Variants in KIAA1755 observed in about 807,000 individuals in gnomAD.
KIAA1755 encodes uncharacterized protein KIAA1755.
In KIAA1755, 68 loss-of-function variants were observed where a neutral mutation model predicts 91.7. The observed-to-expected ratio is 0.74, with a 90% CI of 0.61 to 0.91. KIAA1755 has a LOEUF of 0.91. KIAA1755 is among the 40% of genes least tolerant of loss of function. The pLI, the probability that KIAA1755 is intolerant of heterozygous loss-of-function variation, is 0.00. For synonymous variants in KIAA1755, 610 were observed against 604.6 expected, an observed-to-expected ratio of 1.01 and a Z score of -0.13; for missense variants, 1,535 against 1,494.4, an observed-to-expected ratio of 1.03 and a Z score of -0.45.
rs2075447886 is a variant in KIAA1755, at chr20:38,211,237, T to C, written c.*1805A>G. 6.6e-6 allele frequency: 1 copy of C among 152,310 alleles called. No homozygotes were observed. The highest frequency in any genetic ancestry group is 1.5e-5 in the Non-Finnish European group (1 of 68,146). The allele number at this position is 152,310 out of a possible 1,614,324, so 9.4% of individuals were successfully genotyped here. A position where few individuals can be genotyped will look rare whatever the true frequency, so the allele number is the denominator to read the frequency against. ...GTGTGTGACTCTTGGCTGAGACAGC[T>C]CCTGAGAAGCCCTAGTTGTCCTCCT... is the stretch of plus-strand genomic sequence containing the variant. On this transcript the variant is annotated 3_prime_UTR_variant, in exon 14 of 14. Transcript: ENST00000279024.
chr20:38,237,741 G>A (rs1036266599), intron 4 of KIAA1755, among the ~76,000 whole-genome samples: 1 of 151,762 alleles, frequency 6.6e-6, no homozygotes, highest in African/African-American at 2.4e-5. Flanking sequence ...GGGGCAGTGG[G>A]TGACCTGGAA....
At position 38,260,648 on chromosome 20, in the gene KIAA1755, G is replaced by T; in HGVS notation, c.-148C>A. 1 of 957,852 alleles carries T rather than the reference G, an allele frequency of 1.0e-6. No homozygotes were observed. 59.3% of individuals were successfully genotyped at this position (957,852 alleles called of 1,614,324 possible). ...GCAGGCCCGGGGCACCGACCCCGGCGTCATCTCGGAGGAGCGGCCGGGGAG... is the reference window on the plus strand; with the variant it reads ...GCAGGCCCGGGGCACCGACCCCGGCTTCATCTCGGAGGAGCGGCCGGGGAG... On this transcript the variant is annotated 5_prime_UTR_variant, in exon 1 of 14. Transcript: ENST00000279024.
At chr20:38,259,902 C>G (rs890684315) in intron 1 of KIAA1755, among the ~76,000 whole-genome samples, 2 of 151,672 alleles carry the variant, frequency 1.3e-5, no homozygotes, top group African/African-American at 4.9e-5. Flanking sequence ...CTCCAAAAGT[C>G]CCTTCCTCTT....
chr20:38,256,623 G>A (rs1219109160), intron 1 of KIAA1755, among the ~76,000 whole-genome samples: 1 of 152,070 alleles, frequency 6.6e-6, no homozygotes, highest in Non-Finnish European at 1.5e-5. Context: ...AGGCAACAGA[G>A]GGAGGCCCTA....
At position 38,245,976 on chromosome 20, in the gene KIAA1755, G is replaced by A. The variant is rs762461025; in HGVS notation, c.154C>T (p.Leu52=). The A allele has an allele frequency of 6.2e-7, 1 of 1,614,194 alleles. No individual in the cohort carries two copies. Among genetic ancestry groups the A allele is most frequent in the South Asian group, 1.1e-5 (1 of 91,078 alleles). ...TCACACAGGCGCTTGGCAGGGATCA[G>A]GAAATCCAGAAGGAAGCTCAGCCCA... is the stretch of plus-strand genomic sequence containing the variant. ...GDGLSFLLDF[L]IPAKRLCEQV... Residue 52 remains leucine, a synonymous_variant, in exon 2 of 14, where the codon CTG becomes TTG. Transcript: ENST00000279024.
chr20:38,250,247 G>A (rs2076223538), intron 1 of KIAA1755, among the ~76,000 whole-genome samples: 1 of 152,090 alleles, frequency 6.6e-6, no homozygotes, highest in Non-Finnish European at 1.5e-5. Context: ...TCAAACTCTG[G>A]TTCTGTCACT....
Position 38,259,536 on chromosome 20 carries a change from A to T in KIAA1755, c.3+962T>A, listed in dbSNP as rs944677921. 4.5e-3 allele frequency among the ~76,000 whole-genome samples: 498 copies of T among 111,876 alleles called. 2 individuals carry two copies. The highest frequency in any genetic ancestry group is 0.013 in the African/African-American group (461 of 35,144). The allele number at this position is 111,876 out of a possible 152,430, so 73.4% of individuals were successfully genotyped here. On this transcript the variant is annotated intron_variant, in intron 1 of 13. Transcript: ENST00000279024. Reference sequence around the variant, plus strand: ...GTGTGTGTGTGTGTGTGTGTGAGAGAGAGAGAGAGAGAGTATGAACACCTC... The same window carrying T: ...GTGTGTGTGTGTGTGTGTGTGAGAGTGAGAGAGAGAGAGTATGAACACCTC...
Position 38,212,825 on chromosome 20 carries a change from A to G in KIAA1755, c.*217T>C, listed in dbSNP as rs1416177247. 4.1e-6 allele frequency: 2 copies of G among 492,030 alleles called. No individual in the cohort carries two copies. Among genetic ancestry groups the G allele is most frequent in the Admixed American group, 6.8e-5 (2 of 29,438 alleles). The allele number at this position is 492,030 out of a possible 1,614,324, so 30.5% of individuals were successfully genotyped here. A position where few individuals can be genotyped will look rare whatever the true frequency, so the allele number is the denominator to read the frequency against. On this transcript the variant is annotated 3_prime_UTR_variant, in exon 14 of 14. Coordinates refer to ENST00000279024, the MANE Select transcript of KIAA1755 (RefSeq NM_001029864.2). ...TTATTGTGCCCTGGTTCTGACGCCC[A>G]CTCTTGCTATTCTGCATGGGTGAAG... is the stretch of plus-strand genomic sequence containing the variant.
intron 1 of KIAA1755, among the ~76,000 whole-genome samples, chr20:38,247,435 C>T (rs2076177829): frequency 6.6e-6 from 1 of 152,206 alleles, no homozygotes; most frequent in Non-Finnish European, 1.5e-5. Context: ...CCTCACCTGG[C>T]CAACTCCTCA....
intron 1 of KIAA1755, among the ~76,000 whole-genome samples, chr20:38,248,325 T>C (rs1002201211): frequency 2.6e-5 from 4 of 152,176 alleles, no homozygotes; most frequent in Non-Finnish European, 5.9e-5. Flanking sequence ...AGCCAAGGAA[T>C]GCGGGCGTCT....
At position 38,212,617 on chromosome 20, in the gene KIAA1755, C is replaced by T. The variant is rs948552536; in HGVS notation, c.*425G>A. On this transcript the variant is annotated 3_prime_UTR_variant, in exon 14 of 14. Coordinates refer to ENST00000279024, the MANE Select transcript of KIAA1755 (RefSeq NM_001029864.2). ...CTGGAATCCAAGACAAGGAAGCACT[C>T]CCGAATCTCCCCGAGGATTCTGCCT... is the stretch of plus-strand genomic sequence containing the variant. 1 of 162,346 alleles carries T rather than the reference C, an allele frequency of 6.2e-6. No individual in the cohort carries two copies. Among genetic ancestry groups the T allele is most frequent in the African/African-American group, 2.4e-5 (1 of 41,764 alleles). The allele number at this position is 162,346 out of a possible 1,614,324, so 10.1% of individuals were successfully genotyped here.
At chr20:38,259,007 G>A (rs943634822) in intron 1 of KIAA1755, among the ~76,000 whole-genome samples, 9 of 152,148 alleles carry the variant, frequency 5.9e-5, no homozygotes, top group African/African-American at 1.9e-4. Flanking sequence ...CATGACCGCC[G>A]AGTGCAGGCT....
intron 4 of KIAA1755, among the ~76,000 whole-genome samples, chr20:38,238,687 A>T (rs1045546827): frequency 3.9e-4 from 59 of 152,204 alleles, no homozygotes; most frequent in African/African-American, 1.4e-3. Context: ...CCACTAGAAT[A>T]TAGGTTTCCT....
intron 13 of KIAA1755, among the ~76,000 whole-genome samples, chr20:38,214,940 T>C (rs2075519078): frequency 6.6e-6 from 1 of 152,272 alleles, no homozygotes; most frequent in Non-Finnish European, 1.5e-5. Context: ...TGACTTTAGA[T>C]AAATGGCTTC....
chr20:38,225,194 G>T (rs2075733990), intron 8 of KIAA1755, among the ~76,000 whole-genome samples: 1 of 152,046 alleles, frequency 6.6e-6, no homozygotes, highest in African/African-American at 2.4e-5. Context: ...TAGATATGAG[G>T]TTTTACCATG....
chr20:38,240,184 G>A (rs1002947917), intron 3 of KIAA1755, among the ~76,000 whole-genome samples: 48 of 150,648 alleles, frequency 3.2e-4, no homozygotes, highest in African/African-American at 1.1e-3. Context: ...AAATTCTCCC[G>A]CTTCAGCCAC....
intron 10 of KIAA1755, among the ~76,000 whole-genome samples, chr20:38,221,200 G>A (rs937811933): frequency 1.3e-5 from 2 of 152,206 alleles, no homozygotes; most frequent in Non-Finnish European, 2.9e-5. Flanking sequence ...ACGGAGGGAC[G>A]GGGACAGCCT....
chr20:38,234,999 CG>C (rs2075934134), intron 4 of KIAA1755, among the ~76,000 whole-genome samples: 1 of 152,080 alleles, frequency 6.6e-6, no homozygotes, highest in African/African-American at 2.4e-5. Context: ...GTGGGTAAGT[CG>C]GGGTTGCCCA....
chr20:38,231,114 G>A (rs1341098830), intron 5 of KIAA1755, 88 bp downstream of exon 5: 4 of 1,365,292 alleles, frequency 2.9e-6, no homozygotes, highest in Non-Finnish European at 3.0e-6. Context: ...GAAGGATATG[G>A]TGCCTCTCCA....
Sources: allele counts gnomAD v4.1 joint callset (sites outside exome capture counted in the v4.1 genomes callset), GRCh38; gene constraint gnomAD v4.1.1; transcripts MANE v1.5; gene names NCBI Gene and HGNC (gene_info 2026-07-23, HGNC 2026-07-21).